TAFA1: variants seen among roughly 807,000 people sequenced by gnomAD.
TAFA1 encodes chemokine-like protein TAFA-1.
Under a neutral mutation model 18.5 loss-of-function variants are expected in TAFA1, and 4 were observed. The observed-to-expected ratio is 0.22, with a 90% confidence interval of 0.11 to 0.49. TAFA1 has a LOEUF of 0.49. Ranked by LOEUF, TAFA1 falls within the 20% of genes least tolerant of loss-of-function variation. The pLI, the probability that TAFA1 is intolerant of heterozygous loss-of-function variation, is 0.98. For synonymous variants in TAFA1, 56 were observed against 55.2 expected, an observed-to-expected ratio of 1.01 and a Z score of -0.06; for missense variants, 147 against 169.0, an observed-to-expected ratio of 0.87 and a Z score of 0.72.
chr3:68,399,638 A>G (rs1220072375), intron 2 of TAFA1, among the ~76,000 whole-genome samples: 1 of 152,158 alleles, frequency 6.6e-6, no homozygotes, highest in African/African-American at 2.4e-5. Flanking sequence ...AATAATGGAT[A>G]TATATTAATA....
intron 3 of TAFA1, among the ~76,000 whole-genome samples, chr3:68,516,450 C>A (rs1323183452): frequency 6.6e-6 from 1 of 152,216 alleles, no homozygotes; most frequent in African/African-American, 2.4e-5. Flanking sequence ...TGAATGCCAA[C>A]TGAAAAAATT....
At chr3:68,482,077 C>T (rs1274337652) in intron 3 of TAFA1, among the ~76,000 whole-genome samples, 1 of 152,190 alleles carries the variant, frequency 6.6e-6, no homozygotes, top group Non-Finnish European at 1.5e-5. Flanking sequence ...GTGGCGCGAT[C>T]TTGACTCACT....
chr3:68,072,434 G>A (rs776699002), intron 2 of TAFA1, among the ~76,000 whole-genome samples: 18 of 152,194 alleles, frequency 1.2e-4, no homozygotes, highest in Non-Finnish European at 2.1e-4. Flanking sequence ...TGGTGTTTTA[G>A]TTGTTTCCAG....
chr3:68,358,775 C>G (rs1172656350), intron 2 of TAFA1, among the ~76,000 whole-genome samples: 2 of 151,842 alleles, frequency 1.3e-5, no homozygotes, highest in African/African-American at 2.4e-5. Flanking sequence ...TTAGTGATAC[C>G]TTGCTGGTTC....
intron 2 of TAFA1, among the ~76,000 whole-genome samples, chr3:68,059,432 A>T (rs1559720965): frequency 6.6e-6 from 1 of 152,188 alleles, no homozygotes; most frequent in East Asian, 1.9e-4. Flanking sequence ...AATGGCAGAG[A>T]TGGGAATTGA....
At chr3:68,195,415 T>C (rs1469033470) in intron 2 of TAFA1, among the ~76,000 whole-genome samples, 1 of 149,186 alleles carries the variant, frequency 6.7e-6, no homozygotes, top group Admixed American at 6.8e-5. Flanking sequence ...TAGGTGCTTA[T>C]GATCATGTCT....
Position 68,220,870 on chromosome 3 carries a change from C to T in TAFA1, c.119-196410C>T, listed in dbSNP as rs370127491. ...TCAGCATCCCTCGGTGCATGGTTCT[C>T]CCTATCAGACTCATCCTCAGATTGT... On this transcript the variant is annotated intron_variant, in intron 2 of 4. Coordinates refer to ENST00000478136, the MANE Select transcript of TAFA1 (RefSeq NM_213609.4). Among the ~76,000 whole-genome samples, 7 of 152,240 alleles carry T rather than the reference C, an allele frequency of 4.6e-5. No individual in the cohort carries two copies. In the South Asian group the frequency reaches 1.0e-3, roughly 23 times the overall value.
intron 2 of TAFA1, among the ~76,000 whole-genome samples, chr3:68,379,595 A>T (rs1249974704): frequency 3.3e-5 from 5 of 152,076 alleles, no homozygotes; most frequent in Non-Finnish European, 7.4e-5. Flanking sequence ...TGGTATTGCC[A>T]AGTCGTCTTC....
chr3:68,183,295 A>T (rs970252081), intron 2 of TAFA1, among the ~76,000 whole-genome samples: 26 of 152,154 alleles, frequency 1.7e-4, no homozygotes, highest in African/African-American at 6.3e-4. Context: ...ATAATATAAG[A>T]TCTCGAGCTC....
chr3:68,418,478 A>C lies in TAFA1; in HGVS notation c.259+1058A>C, dbSNP rs370147823. Among the ~76,000 whole-genome samples, 580 of 83,512 alleles carry C rather than the reference A, an allele frequency of 6.9e-3. 8 individuals carry two copies. The highest frequency in any genetic ancestry group is 0.024 in the African/African-American group (556 of 23,296). 54.8% of individuals were successfully genotyped at this position (83,512 alleles called of 152,430 possible). A position where few individuals can be genotyped will look rare whatever the true frequency, so the allele number is the denominator to read the frequency against. ...TGGTGGAATATCATCAGTTAAGGCA[A>C]GGACCGGCCATTTACACTTCTTTTG... On this transcript the variant is annotated intron_variant, in intron 3 of 4. Transcript: ENST00000478136.
intron 2 of TAFA1, among the ~76,000 whole-genome samples, chr3:68,338,411 A>G (rs561910389): frequency 6.6e-6 from 1 of 152,350 alleles, no homozygotes; most frequent in African/African-American, 2.4e-5. Context: ...TCTAGATTTC[A>G]GTTAGTATTC....
chr3:68,165,307 A>G (rs2065971405), intron 2 of TAFA1, among the ~76,000 whole-genome samples: 2 of 152,242 alleles, frequency 1.3e-5, no homozygotes, highest in South Asian at 4.1e-4. Flanking sequence ...CTGCCTAATA[A>G]GCAACTCCCA....
intron 2 of TAFA1, among the ~76,000 whole-genome samples, chr3:68,031,629 C>T (rs1170534797): frequency 2.6e-5 from 4 of 152,080 alleles, no homozygotes; most frequent in Non-Finnish European, 2.9e-5. Flanking sequence ...ATGTGGCAGG[C>T]TTGCCATAAA....
intron 2 of TAFA1, among the ~76,000 whole-genome samples, chr3:68,103,106 G>T (rs1031121844): frequency 1.3e-5 from 2 of 152,208 alleles, no homozygotes; most frequent in Non-Finnish European, 2.9e-5. Context: ...AAGGGCTCTG[G>T]TGTCCAAAGT....
At chr3:68,032,582 T>C (rs1704958973) in intron 2 of TAFA1, among the ~76,000 whole-genome samples, 1 of 152,164 alleles carries the variant, frequency 6.6e-6, no homozygotes, top group African/African-American at 2.4e-5. Flanking sequence ...CATATCTCAG[T>C]CTGTGTCATC....
chr3:68,175,621 C>T (rs192629978), intron 2 of TAFA1, among the ~76,000 whole-genome samples: 57 of 152,290 alleles, frequency 3.7e-4, no homozygotes, highest in Non-Finnish European at 5.0e-4. Context: ...ATTTACCCAA[C>T]GCCTGTTTAC....
At chr3:68,219,204 T>C (rs936890264) in intron 2 of TAFA1, among the ~76,000 whole-genome samples, 1 of 152,108 alleles carries the variant, frequency 6.6e-6, no homozygotes, top group Non-Finnish European at 1.5e-5. Context: ...AGCTTGACAG[T>C]GAGAAATGCA....
intron 3 of TAFA1, among the ~76,000 whole-genome samples, chr3:68,444,771 A>AAAATATAT (rs2071446085): frequency 7.9e-6 from 1 of 127,268 alleles, no homozygotes; most frequent in Non-Finnish European, 1.7e-5. Flanking sequence ...GTTTCTACAA[A>AAAATATAT]ATATATATAT....
At chr3:68,152,832 C>CT (rs2065822676) in intron 2 of TAFA1, among the ~76,000 whole-genome samples, 3 of 152,012 alleles carry the variant, frequency 2.0e-5, no homozygotes, top group South Asian at 4.1e-4. Flanking sequence ...TTGAGAAGTC[C>CT]TAGGGACTTG....
Sources: gnomAD v4.1 joint callset for allele counts (sites outside exome capture counted in the v4.1 genomes callset) on GRCh38, gnomAD v4.1.1 for gene constraint, MANE v1.5 for transcripts, NCBI Gene and HGNC (gene_info 2026-07-23, HGNC 2026-07-21) for gene names.